The following GCNT2 variants were observed in gnomAD, a reference collection of about 807,000 sequenced individuals.
The protein encoded by GCNT2 is N-acetyllactosaminide beta-1,6-N-acetylglucosaminyl-transferase.
A neutral mutation model predicts 34.2 loss-of-function variants in GCNT2; 34 were observed. That is an observed-to-expected ratio of 1.00 (90% CI 0.76 to 1.32). The LOEUF is 1.32. GCNT2 is among the 40% of genes most tolerant of loss of function. The pLI is 0.00. For missense variants in GCNT2, 584 were observed against 489.4 expected (o/e 1.19, Z -1.82); for synonymous variants, 212 against 188.0 (o/e 1.13, Z -1.04).
chr6:10,562,496 T>G (rs79441178), intron 3 of GCNT2, among the ~76,000 whole-genome samples: 4,602 of 151,516 alleles, frequency 0.03, 244 homozygotes, highest in African/African-American at 0.1. Flanking sequence ...GGCGGGAGGA[T>G]CCCTTGAGCC....
chr6:10,529,656 A>G lies in GCNT2; in HGVS notation c.745A>G (p.Lys249Glu). Residue 249 changes from lysine to glutamate, a missense_variant, in exon 3 of 5, where the codon AAA becomes GAA. Physicochemically the swap from Lys to Glu is moderately conservative, Grantham distance 56 (BLOSUM62 1). Coordinates refer to ENST00000495262, the MANE Select transcript of GCNT2 (RefSeq NM_145649.5). ...HKNSYVIKTT[K>E]LKTPPPHDMV... ...AAATTCCTACGTGATTAAAACAACA[A>G]AATTAAAAACTCCTCCTCCTCATGA... 6.2e-7 allele frequency: 1 copy of G among 1,614,054 alleles called. No homozygotes were observed. Among genetic ancestry groups the G allele is most frequent in the Non-Finnish European group, 8.5e-7 (1 of 1,179,982 alleles).
chr6:10,566,073 C>T (rs745331314), intron 3 of GCNT2, among the ~76,000 whole-genome samples: 14 of 152,272 alleles, frequency 9.2e-5, no homozygotes, highest in Non-Finnish European at 1.8e-4. Flanking sequence ...AGATAACTTG[C>T]GGATCCCTGT....
At chr6:10,573,165 A>G (rs576276613) in intron 3 of GCNT2, 3 of 812,550 alleles carry the variant, frequency 3.7e-6, no homozygotes, top group Admixed American at 9.8e-5. Flanking sequence ...TGTTCTAGAT[A>G]TGGATCTCTG....
chr6:10,551,181 C>T (rs912899576), intron 3 of GCNT2, among the ~76,000 whole-genome samples: 6 of 152,124 alleles, frequency 3.9e-5, no homozygotes, highest in Admixed American at 3.3e-4. Context: ...TAGCCACATG[C>T]GCCTTAACAT....
chr6:10,543,942 C>G (rs1581384051), intron 3 of GCNT2, among the ~76,000 whole-genome samples: 1 of 152,252 alleles, frequency 6.6e-6, no homozygotes, highest in Middle Eastern at 3.4e-3. Flanking sequence ...TAAGGACACA[C>G]TATATGGACA....
rs112239897 is a variant in GCNT2 at position 10,600,033 on chromosome 6, C to T, written c.926-21318C>T. Among the ~76,000 whole-genome samples, 277 of 152,252 alleles carry T rather than the reference C, an allele frequency of 1.8e-3. 1 individual carries two copies. The highest frequency in any genetic ancestry group is 0.014 in the South Asian group (66 of 4,828). On this transcript the variant is annotated intron_variant, in intron 3 of 4. Transcript: ENST00000495262. ...AGTGGAGAAACCAGGCACAGGGAGA[C>T]GAAATGATTTGTCTGTGTTGCATGA...
chr6:10,622,003 G>A (rs1346250178), intron 4 of GCNT2, among the ~76,000 whole-genome samples: 2 of 152,112 alleles, frequency 1.3e-5, no homozygotes, highest in Non-Finnish European at 2.9e-5. Context: ...GAGAAAGCTG[G>A]GCCCCCAACC....
chr6:10,569,977 TTTC>T (rs1763484628), intron 3 of GCNT2, among the ~76,000 whole-genome samples: 1 of 151,556 alleles, frequency 6.6e-6, no homozygotes, highest in Non-Finnish European at 1.5e-5. Flanking sequence ...TCTTTCTCTC[TTTC>T]TTTCTTCCTG....
At chr6:10,526,844 A>G (rs1051374829) in intron 1 of GCNT2, among the ~76,000 whole-genome samples, 4 of 152,214 alleles carry the variant, frequency 2.6e-5, no homozygotes. Context: ...AGCCAGGTGC[A>G]GTGGCTCACA....
At chr6:10,576,611 G>A (rs554635364) in intron 3 of GCNT2, among the ~76,000 whole-genome samples, 2 of 152,242 alleles carry the variant, frequency 1.3e-5, no homozygotes, top group African/African-American at 4.8e-5. Flanking sequence ...CTTAGGGGGA[G>A]GTAGGAGGAA....
At chr6:10,587,218 CAA>C (rs1205951784) in intron 3 of GCNT2, among the ~76,000 whole-genome samples, 1 of 152,162 alleles carries the variant, frequency 6.6e-6, no homozygotes, top group African/African-American at 2.4e-5. Context: ...CTGTAACAAA[CAA>C]AATTGACTTT....
At chr6:10,620,769 A>T (rs1276435200) in intron 3 of GCNT2, among the ~76,000 whole-genome samples, 1 of 152,142 alleles carries the variant, frequency 6.6e-6, no homozygotes, top group Non-Finnish European at 1.5e-5. Context: ...CCTATCCAAA[A>T]TTTATTTCAT....
At chr6:10,582,624 T>A (rs1675429) in intron 3 of GCNT2, among the ~76,000 whole-genome samples, 80,636 of 138,640 alleles carry the variant, frequency 0.58, 23,700 homozygotes, top group Middle Eastern at 0.68. Flanking sequence ...ATATATATAT[T>A]TTTTTTCCCA....
chr6:10,603,673 A>G (rs1765176951), intron 3 of GCNT2, among the ~76,000 whole-genome samples: 1 of 138,374 alleles, frequency 7.2e-6, no homozygotes, highest in Non-Finnish European at 1.6e-5. Context: ...CTGCCACCAC[A>G]CCTAGCTAAT....
intron 3 of GCNT2, among the ~76,000 whole-genome samples, chr6:10,579,232 T>A (rs1421174769): frequency 6.6e-6 from 1 of 152,212 alleles, no homozygotes; most frequent in Non-Finnish European, 1.5e-5. Context: ...CTTACAAAAC[T>A]GTTGTCCCAA....
intron 3 of GCNT2, among the ~76,000 whole-genome samples, chr6:10,571,191 CT>C (rs1763539199): frequency 6.6e-6 from 1 of 152,088 alleles, no homozygotes; most frequent in South Asian, 2.1e-4. Flanking sequence ...TCTTATAAAG[CT>C]TAGAATGAGC....
chr6:10,605,855 G>A (rs1765286939), intron 3 of GCNT2, among the ~76,000 whole-genome samples: 1 of 152,002 alleles, frequency 6.6e-6, no homozygotes, highest in Non-Finnish European at 1.5e-5. Context: ...GTGATTCTTT[G>A]AGTTCTTCTG....
chr6:10,585,721 G>A (rs1764312235), intron 3 of GCNT2: 1 of 1,337,252 alleles, frequency 7.5e-7, no homozygotes, highest in Non-Finnish European at 9.7e-7. Flanking sequence ...GGGCTTAGCT[G>A]AGCCTTTGCA....
chr6:10,617,582 G>C (rs994854661), intron 3 of GCNT2, among the ~76,000 whole-genome samples: 1 of 152,140 alleles, frequency 6.6e-6, no homozygotes, highest in Non-Finnish European at 1.5e-5. Context: ...CCGTGACTTA[G>C]AATGCGTAAC....
Sources: allele counts gnomAD v4.1 joint callset (sites outside exome capture counted in the v4.1 genomes callset), GRCh38; gene constraint gnomAD v4.1.1; transcripts MANE v1.5; gene names NCBI Gene and HGNC (gene_info 2026-07-23, HGNC 2026-07-21).